The following AKAP6 variants were observed in gnomAD, a reference collection of about 807,000 sequenced individuals.
The protein encoded by AKAP6 is A-kinase anchor protein 6.
A neutral mutation model predicts 188.5 loss-of-function variants in AKAP6; 58 were observed. That is an observed-to-expected ratio of 0.31 (90% CI 0.25 to 0.38). The LOEUF (loss-of-function observed/expected upper bound fraction) is 0.38, where lower values mean the gene tolerates loss of function less well. Among genes scored for constraint, AKAP6 ranks in the 10% least tolerant of loss-of-function variants. AKAP6 has a pLI of 1.00. For missense variants in AKAP6, 2,710 were observed against 2,740.0 expected, an observed-to-expected ratio of 0.99 and a Z score of 0.24; for synonymous variants, 989 against 998.6, an observed-to-expected ratio of 0.99 and a Z score of 0.18.
At chr14:32,778,618 C>T (rs1036558678) in intron 12 of AKAP6, among the ~76,000 whole-genome samples, 1 of 152,058 alleles carries the variant, frequency 6.6e-6, no homozygotes, top group Non-Finnish European at 1.5e-5. Flanking sequence ...ACAATCATGG[C>T]TCACTGTAGC....
intron 4 of AKAP6, among the ~76,000 whole-genome samples, chr14:32,569,925 G>A (rs574757960): frequency 6.6e-6 from 1 of 152,022 alleles, no homozygotes; most frequent in African/African-American, 2.4e-5. Flanking sequence ...TCTGAAACTT[G>A]TGACAATTAG....
In AKAP6 at chr14:32,386,800, A is replaced by T. The variant is rs58081373; in HGVS notation, c.-34-46660A>T. 1.5e-3 allele frequency among the ~76,000 whole-genome samples: 232 copies of T among 152,182 alleles called. 3 individuals carry two copies. Among genetic ancestry groups the T allele is most frequent in the African/African-American group, 4.8e-3 (201 of 41,534 alleles). On this transcript the variant is annotated intron_variant, in intron 1 of 13. Transcript: ENST00000280979. ...TTTTTGTGTAAGGGAAGAGATGAGG[A>T]TCCAGTTTCATTCTCCTACTCGTGG...
intron 4 of AKAP6, among the ~76,000 whole-genome samples, chr14:32,559,805 A>G (rs1360257850): frequency 9.6e-6 from 1 of 104,568 alleles, no homozygotes; most frequent in African/African-American, 5.8e-5. Context: ...TTTTTTTTTT[A>G]AGGCAGAGTC....
intron 1 of AKAP6, among the ~76,000 whole-genome samples, chr14:32,429,138 G>T (rs937493158): frequency 6.6e-6 from 1 of 152,162 alleles, no homozygotes. Context: ...GTTGTAACTC[G>T]GTAGGCACCT....
chr14:32,667,934 G>T (rs372366767), intron 7 of AKAP6, among the ~76,000 whole-genome samples: 1 of 152,048 alleles, frequency 6.6e-6, no homozygotes, highest in African/African-American at 2.4e-5. Context: ...CAGCATAATT[G>T]TACTTAGGAA....
chr14:32,331,218 GC>G (rs1040540709), intron 1 of AKAP6, among the ~76,000 whole-genome samples: 2 of 152,016 alleles, frequency 1.3e-5, no homozygotes, highest in African/African-American at 4.8e-5. Context: ...AAAGCAAAAG[GC>G]AGCATTGTAA....
chr14:32,574,330 C>G (rs146165997), intron 4 of AKAP6, among the ~76,000 whole-genome samples: 228 of 152,308 alleles, frequency 1.5e-3, no homozygotes, highest in African/African-American at 5.2e-3. Flanking sequence ...CTATATCAGA[C>G]AGCCTTGTTT....
intron 7 of AKAP6, among the ~76,000 whole-genome samples, chr14:32,616,305 A>G (rs1366592070): frequency 2.0e-5 from 3 of 152,214 alleles, no homozygotes; most frequent in Non-Finnish European, 4.4e-5. Context: ...ATGCATGTGT[A>G]TGTTCACTGC....
intron 4 of AKAP6, among the ~76,000 whole-genome samples, chr14:32,553,226 G>T (rs1176039387): frequency 6.7e-6 from 1 of 149,108 alleles, no homozygotes. Context: ...GCAGTGGCAC[G>T]GTCTCAGCTC....
At chr14:32,662,296 C>G (rs1329737017) in intron 7 of AKAP6, among the ~76,000 whole-genome samples, 1 of 152,062 alleles carries the variant, frequency 6.6e-6, no homozygotes, top group African/African-American at 2.4e-5. Flanking sequence ...ATACACTTCT[C>G]TCTTAGGACT....
chr14:32,479,471 A>G (rs754961735), intron 2 of AKAP6, among the ~76,000 whole-genome samples: 1 of 152,320 alleles, frequency 6.6e-6, no homozygotes, highest in Admixed American at 6.5e-5. Flanking sequence ...CTCAGATTCT[A>G]TAACAATTTT....
chr14:32,761,861 A>T (rs2032551620), intron 11 of AKAP6, among the ~76,000 whole-genome samples: 1 of 152,158 alleles, frequency 6.6e-6, no homozygotes. Context: ...TATTAAAAGC[A>T]AAGATGATTT....
chr14:32,689,392 A>G (rs1027655931), intron 8 of AKAP6, among the ~76,000 whole-genome samples: 1 of 152,150 alleles, frequency 6.6e-6, no homozygotes, highest in Non-Finnish European at 1.5e-5. Flanking sequence ...GGGGCCAGTT[A>G]TTAACAAGTT....
At chr14:32,340,862 T>C (rs1368836391) in intron 1 of AKAP6, among the ~76,000 whole-genome samples, 2 of 152,212 alleles carry the variant, frequency 1.3e-5, no homozygotes, top group Non-Finnish European at 2.9e-5. Context: ...GAGTCTCTCT[T>C]GGGCCTCTTT....
chr14:32,404,532 C>T (rs568180049), intron 1 of AKAP6, among the ~76,000 whole-genome samples: 2 of 151,262 alleles, frequency 1.3e-5, no homozygotes, highest in South Asian at 4.2e-4. Context: ...CTTCCCTGAT[C>T]AGTGAAATTG....
chr14:32,607,313 C>T (rs7157328), intron 7 of AKAP6, among the ~76,000 whole-genome samples: 95,177 of 152,102 alleles, frequency 0.63, 30,854 homozygotes, highest in East Asian at 0.94. Flanking sequence ...TCAATGGGAA[C>T]TGCATTTATG....
chr14:32,718,913 G>A (rs150563449), intron 9 of AKAP6, among the ~76,000 whole-genome samples: 1 of 152,074 alleles, frequency 6.6e-6, no homozygotes, highest in African/African-American at 2.4e-5. Context: ...AATTACAGTG[G>A]GTAAAGAGTG....
intron 4 of AKAP6, among the ~76,000 whole-genome samples, chr14:32,571,350 C>T (rs1409157462): frequency 6.6e-6 from 1 of 151,666 alleles, no homozygotes. Flanking sequence ...ACAGTGAGAC[C>T]CCCATCTCTA....
chr14:32,429,765 G>T (rs959017186), intron 1 of AKAP6, among the ~76,000 whole-genome samples: 1 of 152,196 alleles, frequency 6.6e-6, no homozygotes, highest in African/African-American at 2.4e-5. Context: ...AGTCTGATCA[G>T]TTGAATGTGG....
Sources: allele counts gnomAD v4.1 joint callset (sites outside exome capture counted in the v4.1 genomes callset), GRCh38; gene constraint gnomAD v4.1.1; transcripts MANE v1.5; gene names NCBI Gene and HGNC (gene_info 2026-07-23, HGNC 2026-07-21).